PPP1R1C: variants seen among roughly 807,000 people sequenced by gnomAD.
PPP1R1C encodes protein phosphatase 1 regulatory inhibitor subunit 1C, also known as protein phosphatase 1 regulatory subunit 1C.
In PPP1R1C, 15 loss-of-function variants were observed where a neutral mutation model predicts 17.4. The ratio of observed to expected loss-of-function variants is 0.86; its 90% confidence interval spans 0.58 to 1.33. PPP1R1C has a LOEUF of 1.33. PPP1R1C is among the 40% of genes most tolerant of loss of function. The pLI is 0.00. For missense variants in PPP1R1C, 143 were observed against 130.0 expected (o/e 1.10, Z -0.48); for synonymous variants, 35 against 43.1 (o/e 0.81, Z 0.73).
chr2:182,100,304 G>A (rs1689060004), intron 4 of PPP1R1C, among the ~76,000 whole-genome samples: 1 of 152,060 alleles, frequency 6.6e-6, no homozygotes, highest in Non-Finnish European at 1.5e-5. Flanking sequence ...GAGGTCAAGA[G>A]ATTGAGACCA....
downstream of PPP1R1C, chr2:182,130,468 C>A (rs1217375990): frequency 2.6e-5 from 4 of 152,152 alleles, no homozygotes; most frequent in Non-Finnish European, 4.4e-5. Context: ...TCCCATTATT[C>A]TCAAAAGTAG....
At chr2:182,018,304 A>G (rs1686318332) in intron 2 of PPP1R1C, among the ~76,000 whole-genome samples, 1 of 152,352 alleles carries the variant, frequency 6.6e-6, no homozygotes, top group Admixed American at 6.5e-5. Context: ...CAAGGAAATT[A>G]GAACAGCTAA....
intron 4 of PPP1R1C, among the ~76,000 whole-genome samples, chr2:182,084,417 T>G (rs1027344241): frequency 1.3e-5 from 2 of 152,206 alleles, no homozygotes; most frequent in African/African-American, 4.8e-5. Flanking sequence ...ATGTAAGTCT[T>G]TAATCCAATT....
chr2:182,065,260 A>G (rs1314569440), intron 4 of PPP1R1C, among the ~76,000 whole-genome samples: 1 of 152,156 alleles, frequency 6.6e-6, no homozygotes, highest in Non-Finnish European at 1.5e-5. Context: ...CAAGTCACAT[A>G]GGTTCTCATT....
At chr2:181,981,208 G>A (rs1286109943), upstream of PPP1R1C, among the ~76,000 whole-genome samples, 1 of 152,092 alleles carries the variant, frequency 6.6e-6, no homozygotes, top group East Asian at 1.9e-4. Flanking sequence ...GATTACAGGC[G>A]TGAGCCACCG....
At chr2:182,009,534 G>A (rs1340346376) in intron 2 of PPP1R1C, among the ~76,000 whole-genome samples, 1 of 151,954 alleles carries the variant, frequency 6.6e-6, no homozygotes, top group African/African-American at 2.4e-5. Context: ...TTATCCCTTT[G>A]TCATATGAGT....
chr2:182,047,814 GA>G (rs1323004297), intron 2 of PPP1R1C, among the ~76,000 whole-genome samples: 1 of 152,138 alleles, frequency 6.6e-6, no homozygotes, highest in Non-Finnish European at 1.5e-5. Context: ...ACTGTGCTTG[GA>G]AGTGGCAGCA....
upstream of PPP1R1C, among the ~76,000 whole-genome samples, chr2:181,981,507 T>C (rs1385006580): frequency 6.6e-6 from 1 of 152,226 alleles, no homozygotes; most frequent in Non-Finnish European, 1.5e-5. Flanking sequence ...GGGGGAAATT[T>C]AATTTAAATG....
At position 182,022,919 on chromosome 2, in the gene PPP1R1C, G is replaced by A. The variant is rs375691702; in HGVS notation, c.142+35020G>A. On this transcript the variant is annotated intron_variant, in intron 2 of 4. Transcript: ENST00000682840. ...CCACTCATCCTTAGACATATGCTTA[G>A]GTTATGCAAAAGTGGATGTAGAAAT... Among the ~76,000 whole-genome samples the A allele has an allele frequency of 2.6e-5, 4 of 152,296 alleles. No individual in the cohort carries two copies. The East Asian group carries it at 7.7e-4, about 29-fold the overall frequency.
In PPP1R1C at chr2:182,009,938, G is replaced by C. The variant is rs530431374; in HGVS notation, c.142+22039G>C. 1.6e-4 allele frequency among the ~76,000 whole-genome samples: 24 copies of C among 152,102 alleles called. 1 individual carries two copies. In the South Asian group the frequency reaches 4.8e-3, roughly 30 times the overall value. Reference sequence around the variant, plus strand: ...GGTCAAAAATGAATTCACTGTAGGTGTGTGGATTTGTTTCTGGGTTCTCAA... The same window carrying C: ...GGTCAAAAATGAATTCACTGTAGGTCTGTGGATTTGTTTCTGGGTTCTCAA... On this transcript the variant is annotated intron_variant, in intron 2 of 4. Transcript: ENST00000682840.
chr2:182,012,144 A>T (rs903465853), intron 2 of PPP1R1C, among the ~76,000 whole-genome samples: 1 of 152,012 alleles, frequency 6.6e-6, no homozygotes, highest in East Asian at 1.9e-4. Flanking sequence ...TATAGTGTAA[A>T]TTAGGTGTTA....
intron 4 of PPP1R1C, among the ~76,000 whole-genome samples, chr2:182,092,450 C>T (rs1688808451): frequency 6.6e-6 from 1 of 152,136 alleles, no homozygotes; most frequent in South Asian, 2.1e-4. Context: ...CCTCCCAAAT[C>T]TCATTTCTTC....
At chr2:181,972,063 T>G (rs763864942) in intron 1 of PPP1R1C, among the ~76,000 whole-genome samples, 9 of 152,228 alleles carry the variant, frequency 5.9e-5, no homozygotes, top group Non-Finnish European at 7.3e-5. Context: ...TTGGTTCTCA[T>G]GAAGGACTTT....
chr2:181,968,266 A>T (rs1333352601), intron 1 of PPP1R1C, among the ~76,000 whole-genome samples: 1 of 152,178 alleles, frequency 6.6e-6, no homozygotes, highest in Non-Finnish European at 1.5e-5. Context: ...TTCTGTTTAG[A>T]TGATCTGTCC....
In PPP1R1C at chr2:182,061,004, T is replaced by G. The variant is rs139294888; in HGVS notation, c.143-438T>G. Among the ~76,000 whole-genome samples, 11 of 152,232 alleles carry G rather than the reference T, an allele frequency of 7.2e-5. No individual in the cohort carries two copies. In the East Asian group the frequency reaches 2.1e-3, roughly 29 times the overall value. On this transcript the variant is annotated intron_variant, in intron 2 of 4. Transcript: ENST00000682840. ...TATATAGAGAGGATACTGCCTTCCT[T>G]GTAGTCATGGTGATTGGACTGAGTG...
intron 4 of PPP1R1C, 121 bp from the exon 5 acceptor site, chr2:182,117,086 G>T: frequency 1.4e-6 from 1 of 720,906 alleles, no homozygotes. Flanking sequence ...AAGATTCTTG[G>T]AGAAAAACAT....
At chr2:182,000,508 G>T (rs1303642802) in intron 2 of PPP1R1C, among the ~76,000 whole-genome samples, 2 of 152,162 alleles carry the variant, frequency 1.3e-5, no homozygotes, top group Non-Finnish European at 2.9e-5. Context: ...CAAGCTGGAG[G>T]ATCAGTAATC....
chr2:182,011,899 A>C (rs998491770), intron 2 of PPP1R1C, among the ~76,000 whole-genome samples: 1 of 151,994 alleles, frequency 6.6e-6, no homozygotes, highest in African/African-American at 2.4e-5. Context: ...CTTATTACTT[A>C]ATTCTGATGT....
intron 2 of PPP1R1C, among the ~76,000 whole-genome samples, chr2:182,028,995 T>C (rs1375601511): frequency 2.9e-5 from 4 of 139,352 alleles, no homozygotes; most frequent in Non-Finnish European, 6.2e-5. Context: ...TTGATCTTTG[T>C]TGGTTTAAAG....
Sources: allele counts gnomAD v4.1 joint callset (sites outside exome capture counted in the v4.1 genomes callset), GRCh38; gene constraint gnomAD v4.1.1; transcripts MANE v1.5; gene names NCBI Gene and HGNC (gene_info 2026-07-23, HGNC 2026-07-21).